Variants in PLAAT5 observed in about 807,000 individuals in gnomAD.
PLAAT5 encodes the protein Ca(2+)-independent N-acyltransferase.
A neutral mutation model predicts 27.8 loss-of-function variants in PLAAT5; 27 were observed. The observed-to-expected ratio is 0.97, with a 90% CI of 0.72 to 1.34. The LOEUF (loss-of-function observed/expected upper bound fraction) is 1.34, where lower values mean the gene tolerates loss of function less well. Ranked by LOEUF, PLAAT5 falls within the 40% of genes most tolerant of loss-of-function variation. The probability of loss-of-function intolerance (pLI) is 0.00; values close to 1 mark genes in which losing one functional copy is unlikely to be tolerated. For missense variants in PLAAT5, 368 were observed against 343.8 expected, an observed-to-expected ratio of 1.07 and a Z score of -0.56; for synonymous variants, 125 against 136.1, an observed-to-expected ratio of 0.92 and a Z score of 0.57.
chr11:63,463,288 C>T lies in PLAAT5; in HGVS notation c.*215G>A. 1.7e-6 allele frequency: 1 copy of T among 584,522 alleles called. No homozygotes were observed. The highest frequency in any genetic ancestry group is 1.9e-5 in the African/African-American group (1 of 53,722). 36.2% of individuals were successfully genotyped at this position (584,522 alleles called of 1,614,324 possible). A position where few individuals can be genotyped will look rare whatever the true frequency, so the allele number is the denominator to read the frequency against. On this transcript the variant is annotated 3_prime_UTR_variant, in exon 6 of 6. Transcript: ENST00000540857. ...CACAGTGCCTGGCGCATAAGAGATA[C>T]ACACTAGATACCAGATCCTTCCCAT... is the stretch of plus-strand genomic sequence containing the variant.
chr11:63,463,338 C>G lies in PLAAT5; in HGVS notation c.*165G>C. 2 of 667,894 alleles carry G rather than the reference C, an allele frequency of 3.0e-6. No individual in the cohort carries two copies. The highest frequency in any genetic ancestry group is 5.0e-5 in the East Asian group (2 of 39,782). The allele number at this position is 667,894 out of a possible 1,614,324, so 41.4% of individuals were successfully genotyped here. Reference sequence around the variant, plus strand: ...TCCTGAGAGTCTGTGGGTCTATGCTCGTATATATTGGATGTATTTCTGGAA... The same window carrying G: ...TCCTGAGAGTCTGTGGGTCTATGCTGGTATATATTGGATGTATTTCTGGAA... On this transcript the variant is annotated 3_prime_UTR_variant, in exon 6 of 6. Transcript: ENST00000540857.
chr11:63,489,011 T>C (rs1387084880), intron 2 of PLAAT5, 35 bp from the exon 3 acceptor site: 1 of 1,365,700 alleles, frequency 7.3e-7, no homozygotes, highest in African/African-American at 1.5e-5. Context: ...TTAACAAATA[T>C]CACTATTTCA....
In PLAAT5 at chr11:63,462,231, A is replaced by C. The variant is rs2015737824; in HGVS notation, c.*1272T>G. On this transcript the variant is annotated 3_prime_UTR_variant, in exon 6 of 6. Transcript: ENST00000540857. The stretch of plus-strand genomic sequence containing the variant: ...TGCTTCCAAGGAAGTCTCAACCTAG[A>C]CCATATAATGAATAGAGACTGAAGG... 6.6e-6 allele frequency: 1 copy of C among 152,186 alleles called. No homozygotes were observed. The highest frequency in any genetic ancestry group is 2.1e-4 in the South Asian group (1 of 4,820). The allele number at this position is 152,186 out of a possible 1,614,324, so 9.4% of individuals were successfully genotyped here.
chr11:63,463,620 A>G (rs770364747), intron 5 of PLAAT5, 25 bp from the exon 6 acceptor site: 4 of 1,591,442 alleles, frequency 2.5e-6, no homozygotes, highest in Admixed American at 3.3e-5. Context: ...AGTTCACAGG[A>G]CAATCAGTAC....
intron 3 of PLAAT5, among the ~76,000 whole-genome samples, chr11:63,472,780 T>C (rs2016059203): frequency 6.6e-6 from 1 of 152,206 alleles, no homozygotes; most frequent in Non-Finnish European, 1.5e-5. Context: ...AGCCTTATAT[T>C]CTGCAACTTT....
At chr11:63,479,201 G>C (rs1278968704) in intron 3 of PLAAT5, among the ~76,000 whole-genome samples, 2 of 152,234 alleles carry the variant, frequency 1.3e-5, no homozygotes, top group Non-Finnish European at 1.5e-5. Flanking sequence ...TGGATACAGA[G>C]GAGCAGAAAG....
chr11:63,466,769 CA>C (rs1487720226), intron 4 of PLAAT5, among the ~76,000 whole-genome samples: 4 of 152,166 alleles, frequency 2.6e-5, no homozygotes, highest in Admixed American at 2.6e-4. Flanking sequence ...AAGGCTATCA[CA>C]TACATGATTA....
chr11:63,470,893 G>A (rs2016007424), intron 3 of PLAAT5: 1 of 152,098 alleles, frequency 6.6e-6, no homozygotes, highest in Admixed American at 6.5e-5. Context: ...GTGAATAAGA[G>A]TATTTATTCT....
intron 3 of PLAAT5, among the ~76,000 whole-genome samples, chr11:63,483,647 C>CAAA (rs899244670): frequency 1.6e-5 from 1 of 64,256 alleles, no homozygotes; most frequent in Non-Finnish European, 3.2e-5. Context: ...ATGCCTACAC[C>CAAA]AAAAAAAAAA....
At chr11:63,480,573 G>A (rs1022557263) in intron 3 of PLAAT5, among the ~76,000 whole-genome samples, 3 of 152,138 alleles carry the variant, frequency 2.0e-5, no homozygotes, top group Non-Finnish European at 2.9e-5. Flanking sequence ...CGATTATATT[G>A]AGTATTGATT....
At chr11:63,487,204 C>T (rs956378284) in intron 3 of PLAAT5, among the ~76,000 whole-genome samples, 3 of 152,082 alleles carry the variant, frequency 2.0e-5, no homozygotes, top group South Asian at 2.1e-4. Context: ...TATCTGATGA[C>T]GTACTTGTAT....
intron 3 of PLAAT5, among the ~76,000 whole-genome samples, chr11:63,475,512 A>C (rs1406503628): frequency 6.6e-6 from 1 of 152,012 alleles, no homozygotes; most frequent in Non-Finnish European, 1.5e-5. Flanking sequence ...TTTAGATCTA[A>C]AGTGTGCCTC....
chr11:63,487,912 G>A (rs535311355), intron 3 of PLAAT5, among the ~76,000 whole-genome samples: 12 of 152,224 alleles, frequency 7.9e-5, no homozygotes, highest in Non-Finnish European at 1.3e-4. Context: ...TTGGGAAGCC[G>A]AGGCGGGAGG....
rs1411138708 is a variant in PLAAT5, at chr11:63,466,197, G to A, written c.630C>T (p.Val210=). 2 of 1,614,116 alleles carry A rather than the reference G, an allele frequency of 1.2e-6. No individual in the cohort carries two copies. Among genetic ancestry groups the A allele is most frequent in the Non-Finnish European group, 1.7e-6 (2 of 1,180,032 alleles). Reference sequence around the variant, plus strand: ...TCAGGCTGTACTGCACGATCTTGTTGACCATCTTTTTTGTACGCTGGATGA... The same window carrying A: ...TCAGGCTGTACTGCACGATCTTGTTAACCATCTTTTTTGTACGCTGGATGA... The part of the protein sequence containing the change: ...DKIIQRTKKM[V]NKIVQYSLIE... The change falls in exon 5 of 6, where the codon GTC becomes GTT. Residue 210 remains valine, a synonymous_variant. Coordinates refer to ENST00000540857, the MANE Select transcript of PLAAT5 (RefSeq NM_001146729.2).
chr11:63,473,024 C>T (rs148333457), intron 3 of PLAAT5, among the ~76,000 whole-genome samples: 3 of 151,848 alleles, frequency 2.0e-5, no homozygotes, highest in Non-Finnish European at 4.4e-5. Flanking sequence ...GCACGAGAAT[C>T]GCTTGAATCC....
intron 4 of PLAAT5, among the ~76,000 whole-genome samples, chr11:63,467,609 C>T (rs1420271483): frequency 6.6e-6 from 1 of 152,148 alleles, no homozygotes; most frequent in African/African-American, 2.4e-5. Flanking sequence ...ATTCAAAGTG[C>T]ATTCAATGGT....
At chr11:63,466,449 G>C (rs577683925) in intron 4 of PLAAT5, 77 bp from the exon 5 acceptor site, 1 of 1,452,304 alleles carries the variant, frequency 6.9e-7, no homozygotes, top group Non-Finnish European at 9.3e-7. Context: ...CTCTGAGTAA[G>C]CTGCTTCCCC....
chr11:63,475,180 T>G (rs1483917426), intron 3 of PLAAT5, among the ~76,000 whole-genome samples: 1 of 150,816 alleles, frequency 6.6e-6, no homozygotes, highest in Non-Finnish European at 1.5e-5. Flanking sequence ...GTTAGTTGCT[T>G]ACATCTTCTA....
chr11:63,483,280 T>G (rs2016327173), intron 3 of PLAAT5, among the ~76,000 whole-genome samples: 1 of 152,052 alleles, frequency 6.6e-6, no homozygotes, highest in African/African-American at 2.4e-5. Context: ...TTACAGAACA[T>G]TCCACCCAAC....
Sources: gnomAD v4.1 joint callset for allele counts (sites outside exome capture counted in the v4.1 genomes callset) on GRCh38, gnomAD v4.1.1 for gene constraint, MANE v1.5 for transcripts, NCBI Gene and HGNC (gene_info 2026-07-23, HGNC 2026-07-21) for gene names.